UBAP2: variants seen among roughly 807,000 people sequenced by gnomAD.
UBAP2 encodes ubiquitin associated protein 2.
A neutral mutation model predicts 139.6 loss-of-function variants in UBAP2; 75 were observed. The ratio of observed to expected loss-of-function variants is 0.54; its 90% CI spans 0.45 to 0.65. UBAP2 has a LOEUF of 0.65. UBAP2 is among the 30% of genes least tolerant of loss of function. The pLI is 0.00. For missense variants in UBAP2, 1,368 were observed against 1,369.6 expected, an observed-to-expected ratio of 1.00 and a Z score of 0.02; for synonymous variants, 526 against 526.2, an observed-to-expected ratio of 1.00 and a Z score of 0.01.
At chr9:33,986,244 G>A (rs1357127157) in intron 6 of UBAP2, among the ~76,000 whole-genome samples, 1 of 151,872 alleles carries the variant, frequency 6.6e-6, no homozygotes, top group African/African-American at 2.4e-5. Flanking sequence ...GGTAGAGACA[G>A]GGTTTCCTTG....
chr9:33,966,995 G>A (rs1376070322), intron 8 of UBAP2, among the ~76,000 whole-genome samples: 1 of 151,586 alleles, frequency 6.6e-6, no homozygotes, highest in Non-Finnish European at 1.5e-5. Flanking sequence ...TCACAACAGT[G>A]GGACTAAAAT....
chr9:34,041,478 AAAAC>A (rs1389409334), intron 1 of UBAP2, among the ~76,000 whole-genome samples: 2 of 150,764 alleles, frequency 1.3e-5, no homozygotes, highest in East Asian at 1.9e-4. Flanking sequence ...AAAAAAAAAA[AAAAC>A]AAACAAGAGT....
At position 33,935,874 on chromosome 9, in the gene UBAP2, C is replaced by A; in HGVS notation, c.1934G>T (p.Gly645Val). ...CTGCTGACTTCGACCACCACCATGT[C>A]CATTCTATAAGGAAAAGAAGAGAAG... is the stretch of plus-strand genomic sequence containing the variant. ...SESAPGTIMNGHGGGRSQQTL... is the reference protein window; with the variant it reads ...SESAPGTIMNVHGGGRSQQTL... Residue 645 changes from glycine (G) to valine (V), a missense_variant, in exon 17 of 29, where the codon GGA (glycine) becomes GTA (valine). Coordinates refer to ENST00000379238, the MANE Select transcript of UBAP2 (RefSeq NM_001370062.2). The A allele has an allele frequency of 6.2e-7, 1 of 1,612,700 alleles. No individual in the cohort carries two copies. Among genetic ancestry groups the A allele is most frequent in the African/African-American group, 1.3e-5 (1 of 74,970 alleles).
At chr9:33,944,780 A>G in intron 13 of UBAP2, 141 bp from the exon 14 acceptor site, 1 of 973,488 alleles carries the variant, frequency 1.0e-6, no homozygotes, top group Non-Finnish European at 1.5e-6. Context: ...TATGTGTAAC[A>G]CTTCATTTAT....
At chr9:33,949,783 A>G (rs1189377020) in intron 12 of UBAP2, among the ~76,000 whole-genome samples, 1 of 152,242 alleles carries the variant, frequency 6.6e-6, no homozygotes, top group East Asian at 1.9e-4. Flanking sequence ...AGTGGTTACT[A>G]TTCCAAAATG....
In UBAP2 at chr9:33,989,013, G is replaced by C. The variant is rs778573787; in HGVS notation, c.402C>G (p.Asn134Lys). Residue 134 changes from asparagine (N) to lysine (K), a missense_variant, in exon 5 of 29, where the codon AAC becomes AAG. Transcript: ENST00000379238. ...SEKESSRGRG[N>K]NNRKGRGGNR... Reference sequence around the variant, plus strand: ...TGCCGCCTCTTCCTTTCCGGTTGTTGTTTCCACGTCCACGACTCGATTCTT... The same window carrying C: ...TGCCGCCTCTTCCTTTCCGGTTGTTCTTTCCACGTCCACGACTCGATTCTT... 3 of 1,613,462 alleles carry C rather than the reference G, an allele frequency of 1.9e-6. No homozygotes were observed. Among genetic ancestry groups the C allele is most frequent in the Non-Finnish European group, 2.5e-6 (3 of 1,179,792 alleles).
At chr9:33,964,889 C>T (rs1827331392) in intron 8 of UBAP2, among the ~76,000 whole-genome samples, 1 of 152,036 alleles carries the variant, frequency 6.6e-6, no homozygotes, top group South Asian at 2.1e-4. Flanking sequence ...TATATGAGTA[C>T]CTGTTATTCC....
intron 6 of UBAP2, among the ~76,000 whole-genome samples, chr9:33,984,942 T>G (rs899720385): frequency 6.6e-6 from 1 of 152,142 alleles, no homozygotes; most frequent in African/African-American, 2.4e-5. Flanking sequence ...GACACTGCAT[T>G]TAACTAATTA....
chr9:34,033,647 G>A (rs1408233225), intron 1 of UBAP2, among the ~76,000 whole-genome samples: 2 of 151,626 alleles, frequency 1.3e-5, no homozygotes, highest in East Asian at 1.9e-4. Context: ...GTGCAATCTC[G>A]GTTCCCTGCA....
chr9:33,982,906 G>A (rs561599321), intron 6 of UBAP2, among the ~76,000 whole-genome samples: 8 of 146,236 alleles, frequency 5.5e-5, no homozygotes, highest in Non-Finnish European at 8.9e-5. Context: ...TTTTGAGACA[G>A]AGTCTCACTG....
chr9:33,946,253 T>C (rs1468423057), intron 13 of UBAP2, among the ~76,000 whole-genome samples: 1 of 152,230 alleles, frequency 6.6e-6, no homozygotes, highest in Non-Finnish European at 1.5e-5. Context: ...AATTAACTCT[T>C]TTTGTCTATG....
intron 1 of UBAP2, 116 bp from the exon 2 acceptor site, chr9:34,017,305 C>T (rs891916369): frequency 4.3e-5 from 20 of 464,804 alleles, no homozygotes; most frequent in Non-Finnish European, 1.5e-5. Context: ...TACAAATTCT[C>T]AAGAAGTAGC....
rs555606469 is a variant in UBAP2 at position 33,932,613 on chromosome 9, G to C, written c.2124C>G (p.His708Gln). 1 of 1,614,102 alleles carries C rather than the reference G, an allele frequency of 6.2e-7. No individual in the cohort carries two copies. Among genetic ancestry groups the C allele is most frequent in the African/African-American group, 1.3e-5 (1 of 75,058 alleles). Reference sequence around the variant, plus strand: ...CTGCATGTGCAGAGAGGCTGCTCTGGTGGCTGGAGAGCGAACTAGAAGACA... The same window carrying C: ...CTGCATGTGCAGAGAGGCTGCTCTGCTGGCTGGAGAGCGAACTAGAAGACA... ...LSQLSSSLSSHQSSLSAHAAL... is the reference protein window; with the variant it reads ...LSQLSSSLSSQQSSLSAHAAL... Residue 708 changes from histidine (H) to glutamine (Q), a missense_variant, in exon 19 of 29, where the codon CAC becomes CAG. By Grantham distance (24) the His-to-Gln change is conservative. Coordinates refer to ENST00000379238, the MANE Select transcript of UBAP2 (RefSeq NM_001370062.2).
chr9:33,936,222 A>G (rs1490731313), intron 16 of UBAP2, among the ~76,000 whole-genome samples: 1 of 151,974 alleles, frequency 6.6e-6, no homozygotes, highest in South Asian at 2.1e-4. Context: ...GGCTCAAGCA[A>G]TCCTCCTGCC....
chr9:34,000,585 C>A (rs966562671), intron 2 of UBAP2, among the ~76,000 whole-genome samples: 1 of 152,150 alleles, frequency 6.6e-6, no homozygotes, highest in African/African-American at 2.4e-5. Context: ...CTAACCAAGT[C>A]TATACTAACT....
chr9:33,947,840 A>G (rs1825767783), intron 13 of UBAP2, among the ~76,000 whole-genome samples: 1 of 151,290 alleles, frequency 6.6e-6, no homozygotes. Flanking sequence ...AAAAAAAAAT[A>G]AAATAATAGA....
intron 1 of UBAP2, among the ~76,000 whole-genome samples, chr9:34,036,806 CTTTT>C (rs869116521): frequency 3.0e-5 from 3 of 99,496 alleles, no homozygotes; most frequent in Admixed American, 1.0e-4. Context: ...AAGTTTTTCT[CTTTT>C]TTTTTTTTTT....
chr9:33,962,167 C>T (rs1244616120), intron 9 of UBAP2, among the ~76,000 whole-genome samples: 1 of 152,036 alleles, frequency 6.6e-6, no homozygotes, highest in African/African-American at 2.4e-5. Context: ...AATGATGAAA[C>T]ATTACAAAAA....
chr9:33,923,181 A>C lies in UBAP2; in HGVS notation c.3004+5T>G. The C allele has an allele frequency of 6.2e-7, 1 of 1,614,146 alleles. No individual in the cohort carries two copies. Among genetic ancestry groups the C allele is most frequent in the Non-Finnish European group, 8.5e-7 (1 of 1,179,992 alleles). The stretch of plus-strand genomic sequence containing the variant: ...CTTATCCTGGAAAGGAGAGGTAAAC[A>C]CTACCTTTGCCAGGCCCAGAACCTG... On this transcript the variant is annotated splice_donor_5th_base_variant and intron_variant, in intron 26 of 28. Coordinates refer to ENST00000379238, the MANE Select transcript of UBAP2 (RefSeq NM_001370062.2).
Sources: allele counts gnomAD v4.1 joint callset (sites outside exome capture counted in the v4.1 genomes callset), GRCh38; gene constraint gnomAD v4.1.1; transcripts MANE v1.5; gene names NCBI Gene and HGNC (gene_info 2026-07-23, HGNC 2026-07-21).